Variants in CA10 observed in about 807,000 individuals in gnomAD.
CA10 encodes the protein carbonic anhydrase-related protein 10.
CA10 carries 14 observed loss-of-function variants against 44.2 expected under a neutral mutation model. That is an observed-to-expected ratio of 0.32 (90% CI 0.21 to 0.50). CA10 has a LOEUF of 0.50. CA10 is among the 20% of genes least tolerant of loss of function. The pLI, the probability that CA10 is intolerant of heterozygous loss-of-function variation, is 0.99. For missense variants in CA10, 350 were observed against 409.7 expected (o/e 0.85, Z 1.26); for synonymous variants, 159 against 141.6 (o/e 1.12, Z -0.87).
intron 3 of CA10, among the ~76,000 whole-genome samples, chr17:51,905,563 C>T (rs1981514288): frequency 7.4e-6 from 1 of 134,288 alleles, no homozygotes; most frequent in South Asian, 2.3e-4. Flanking sequence ...CAACTCTACC[C>T]TTTGCTGCTG....
intron 1 of CA10, among the ~76,000 whole-genome samples, chr17:52,112,746 T>G (rs1988812874): frequency 6.6e-6 from 1 of 152,212 alleles, no homozygotes; most frequent in Non-Finnish European, 1.5e-5. Flanking sequence ...CCATTATTAT[T>G]ATAAACAGCA....
At chr17:51,962,856 A>G (rs546911570) in intron 2 of CA10, among the ~76,000 whole-genome samples, 1 of 152,316 alleles carries the variant, frequency 6.6e-6, no homozygotes, top group Admixed American at 6.5e-5. Context: ...AAATTCTGGC[A>G]CCATGAAAAA....
At chr17:51,910,888 A>T (rs768485979) in intron 3 of CA10, among the ~76,000 whole-genome samples, 20 of 152,158 alleles carry the variant, frequency 1.3e-4, no homozygotes, top group Non-Finnish European at 2.2e-4. Flanking sequence ...CATTGCAGGG[A>T]GGGGACACAT....
intron 1 of CA10, among the ~76,000 whole-genome samples, chr17:52,103,633 G>C (rs1239648437): frequency 1.3e-5 from 2 of 152,188 alleles, no homozygotes; most frequent in Non-Finnish European, 1.5e-5. Flanking sequence ...GTTTGATGCT[G>C]CAGCTAGGAT....
At chr17:51,904,429 C>T (rs1048065474) in intron 3 of CA10, among the ~76,000 whole-genome samples, 8 of 152,046 alleles carry the variant, frequency 5.3e-5, no homozygotes, top group Admixed American at 1.3e-4. Context: ...GTCATGCTCA[C>T]AGCTTTGGGG....
At chr17:51,796,404 C>T (rs1906710917) in intron 3 of CA10, among the ~76,000 whole-genome samples, 2 of 152,178 alleles carry the variant, frequency 1.3e-5, no homozygotes, top group Non-Finnish European at 2.9e-5. Flanking sequence ...CCAGGGATTG[C>T]AAGTTCAAGT....
chr17:51,999,419 G>A (rs1228233487), intron 2 of CA10, among the ~76,000 whole-genome samples: 2 of 152,070 alleles, frequency 1.3e-5, no homozygotes, highest in Non-Finnish European at 2.9e-5. Flanking sequence ...TGGGCCACAA[G>A]AGACATTTTG....
chr17:51,771,056 G>C (rs997486554), intron 3 of CA10, among the ~76,000 whole-genome samples: 1 of 149,422 alleles, frequency 6.7e-6, no homozygotes, highest in Non-Finnish European at 1.5e-5. Context: ...CCCAGGAAGC[G>C]GAGGTTGCAG....
At chr17:51,651,953 C>A (rs143876469) in intron 5 of CA10, among the ~76,000 whole-genome samples, 1 of 152,278 alleles carries the variant, frequency 6.6e-6, no homozygotes. Context: ...GTTATCAATG[C>A]CATAATCAGG....
intron 1 of CA10, among the ~76,000 whole-genome samples, chr17:52,123,491 GT>G (rs1989057071): frequency 6.6e-6 from 1 of 151,846 alleles, no homozygotes; most frequent in Admixed American, 6.6e-5. Context: ...AGGAACCATT[GT>G]TTTGTTGAAA....
At chr17:51,813,647 A>G (rs532138540) in intron 3 of CA10, among the ~76,000 whole-genome samples, 140 of 152,176 alleles carry the variant, frequency 9.2e-4, no homozygotes, top group African/African-American at 3.2e-3. Context: ...CATGAGAGAG[A>G]GCTGGAGCTT....
intron 3 of CA10, chr17:51,761,356 G>A (rs1008655583): frequency 3.3e-4 from 50 of 152,248 alleles, no homozygotes; most frequent in African/African-American, 1.0e-3. Flanking sequence ...TATTGATGTT[G>A]AAACTCAGTA....
intron 4 of CA10, among the ~76,000 whole-genome samples, chr17:51,667,460 G>T (rs918519523): frequency 6.6e-6 from 1 of 152,026 alleles, no homozygotes; most frequent in African/African-American, 2.4e-5. Context: ...GTATATATGT[G>T]TGTGTACTGC....
chr17:51,778,918 T>C lies in CA10; in HGVS notation c.280-31100A>G, dbSNP rs192934127. 9.2e-5 allele frequency among the ~76,000 whole-genome samples: 14 copies of C among 152,082 alleles called. No homozygotes were observed. The East Asian group carries it at 2.1e-3, about 23-fold the overall frequency. On this transcript the variant is annotated intron_variant, in intron 3 of 8. Coordinates refer to ENST00000451037, the MANE Select transcript of CA10 (RefSeq NM_020178.5). ...GGAGCCTCGTGTTCTTGGGTCAGAGTTGGACCCAGGAACTCAGGCTTCTAC... is the reference window on the plus strand; with the variant it reads ...GGAGCCTCGTGTTCTTGGGTCAGAGCTGGACCCAGGAACTCAGGCTTCTAC...
intron 3 of CA10, among the ~76,000 whole-genome samples, chr17:51,756,472 GTT>G (rs11452726): frequency 1.7e-4 from 23 of 132,238 alleles, no homozygotes; most frequent in East Asian, 2.3e-4. Flanking sequence ...TGAGGTAGTT[GTT>G]TTTTTTTTTT....
At chr17:52,105,226 A>G (rs532634212) in intron 1 of CA10, among the ~76,000 whole-genome samples, 58 of 141,306 alleles carry the variant, frequency 4.1e-4, no homozygotes, top group African/African-American at 1.4e-3. Flanking sequence ...CAGCTCTGAA[A>G]TCAGACCCAG....
intron 2 of CA10, among the ~76,000 whole-genome samples, chr17:52,043,667 G>A (rs1484841772): frequency 2.6e-5 from 4 of 152,010 alleles, no homozygotes; most frequent in African/African-American, 7.2e-5. Flanking sequence ...GCTTTTCACT[G>A]TTGTGTATAA....
chr17:51,812,101 G>T (rs568548342), intron 3 of CA10, among the ~76,000 whole-genome samples: 1 of 152,156 alleles, frequency 6.6e-6, no homozygotes, highest in Non-Finnish European at 1.5e-5. Context: ...CAATGGCACC[G>T]CTAAAAGGTT....
At chr17:51,671,348 C>A (rs1914412706) in intron 4 of CA10, among the ~76,000 whole-genome samples, 2 of 152,110 alleles carry the variant, frequency 1.3e-5, no homozygotes, top group South Asian at 2.1e-4. Flanking sequence ...GCTGAAGGGG[C>A]TTTTTGATGC....
Sources: gnomAD v4.1 joint callset for allele counts (sites outside exome capture counted in the v4.1 genomes callset) on GRCh38, gnomAD v4.1.1 for gene constraint, MANE v1.5 for transcripts, NCBI Gene and HGNC (gene_info 2026-07-23, HGNC 2026-07-21) for gene names.